The following TSPAN19 variants were observed in gnomAD, a reference collection of about 807,000 sequenced individuals.
TSPAN19 encodes tetraspanin 19, also known as tetraspanin-19.
Under a neutral mutation model 35.1 loss-of-function variants are expected in TSPAN19, and 44 were observed. That is an observed-to-expected ratio of 1.25 (90% CI 0.98 to 1.61). The LOEUF is 1.61. Among genes scored for constraint, TSPAN19 ranks in the 40% most tolerant of loss-of-function variants. TSPAN19 has a pLI of 0.00. For missense variants in TSPAN19, 290 were observed against 280.0 expected (o/e 1.04, Z -0.26); for synonymous variants, 79 against 92.0 (o/e 0.86, Z 0.81).
At chr12:85,024,733 T>C in intron 4 of TSPAN19, 1 of 148,094 alleles carries the variant, frequency 6.8e-6, no homozygotes. Flanking sequence ...GCCGAGATCG[T>C]GCCACTGCAC....
At chr12:85,033,724 G>A (rs1877787944) in intron 1 of TSPAN19, among the ~76,000 whole-genome samples, 1 of 152,070 alleles carries the variant, frequency 6.6e-6, no homozygotes, top group Non-Finnish European at 1.5e-5. Flanking sequence ...GTTAATAAAT[G>A]GCAGAGATGA....
In TSPAN19 at chr12:85,014,439, T is replaced by C; in HGVS notation, c.*48A>G. On this transcript the variant is annotated 3_prime_UTR_variant, in exon 9 of 9. Coordinates refer to ENST00000532498, the MANE Select transcript of TSPAN19 (RefSeq NM_001100917.2). The stretch of plus-strand genomic sequence containing the variant: ...TTTGGAATAAAATAATATAATGTGA[T>C]TTTTTAAGAATTAACTGGTTTCTTC... 2.2e-6 allele frequency: 3 copies of C among 1,366,510 alleles called. No homozygotes were observed. Among genetic ancestry groups the C allele is most frequent in the Non-Finnish European group, 3.1e-6 (3 of 979,098 alleles). 84.6% of individuals were successfully genotyped at this position (1,366,510 alleles called of 1,614,324 possible).
At chr12:85,021,924 A>T (rs1334192332) in intron 5 of TSPAN19, among the ~76,000 whole-genome samples, 1 of 152,138 alleles carries the variant, frequency 6.6e-6, no homozygotes, top group Non-Finnish European at 1.5e-5. Flanking sequence ...TATGAGGATT[A>T]ATAATACAAT....
Position 85,016,114 on chromosome 12 carries a change from T to C in TSPAN19, c.595-143A>G, listed in dbSNP as rs181082116. ...TCAATATCTAATTGGCGAACTGGACTTTTAGTCCAGAAAGCTTTCTACGGC... is the reference window on the plus strand; with the variant it reads ...TCAATATCTAATTGGCGAACTGGACCTTTAGTCCAGAAAGCTTTCTACGGC... On this transcript the variant is annotated intron_variant, in intron 7 of 8. Transcript: ENST00000532498. The C allele has an allele frequency of 8.4e-5, 43 of 511,064 alleles. 1 individual carries two copies. Among genetic ancestry groups the C allele is most frequent in the African/African-American group, 6.8e-4 (34 of 49,846 alleles). The allele number at this position is 511,064 out of a possible 1,614,324, so 31.7% of individuals were successfully genotyped here.
intron 1 of TSPAN19, 60 bp downstream of exon 1, chr12:85,036,143 AT>A (rs1878016983): frequency 6.6e-6 from 1 of 152,216 alleles, no homozygotes; most frequent in Non-Finnish European, 1.5e-5. Flanking sequence ...TACTTGGGTA[AT>A]TATAACAAAA....
In TSPAN19 at chr12:85,014,336, T is replaced by G; in HGVS notation, c.*151A>C. 1.6e-4 allele frequency: 85 copies of G among 523,244 alleles called. No individual in the cohort carries two copies. The allele number at this position is 523,244 out of a possible 1,614,324, so 32.4% of individuals were successfully genotyped here. A position where few individuals can be genotyped will look rare whatever the true frequency, so the allele number is the denominator to read the frequency against. ...TTAATATAATTTCATGAATGTTTTA[T>G]TATAGTATTCAGTAATTCAATATTA... On this transcript the variant is annotated 3_prime_UTR_variant, in exon 9 of 9. Transcript: ENST00000532498.
chr12:85,018,485 C>G (rs1344577837), intron 6 of TSPAN19, among the ~76,000 whole-genome samples: 4 of 150,620 alleles, frequency 2.7e-5, no homozygotes, highest in African/African-American at 7.5e-5. Flanking sequence ...ATATGATAGA[C>G]AGAATTGTTT....
At chr12:85,014,587 A>G (rs1258924187) in intron 8 of TSPAN19, 32 bp from the exon 9 acceptor site, 3 of 1,488,430 alleles carry the variant, frequency 2.0e-6, no homozygotes, top group Non-Finnish European at 2.8e-6. Context: ...AGAGATTAAA[A>G]TTTAATCAAT....
intron 5 of TSPAN19, among the ~76,000 whole-genome samples, chr12:85,021,678 TGAGTTA>T (rs1877135443): frequency 6.6e-6 from 1 of 152,136 alleles, no homozygotes; most frequent in Non-Finnish European, 1.5e-5. Context: ...TCTTCCACAC[TGAGTTA>T]GGTACTGTAA....
rs1876671966 is a variant in TSPAN19, at chr12:85,014,405, C to T, written c.*82G>A. 1.0e-6 allele frequency: 1 copy of T among 986,940 alleles called. No individual in the cohort carries two copies. The highest frequency in any genetic ancestry group is 2.7e-5 in the Admixed American group (1 of 37,426). The allele number at this position is 986,940 out of a possible 1,614,324, so 61.1% of individuals were successfully genotyped here. On this transcript the variant is annotated 3_prime_UTR_variant, in exon 9 of 9. Coordinates refer to ENST00000532498, the MANE Select transcript of TSPAN19 (RefSeq NM_001100917.2). ...AATACATCTGTTATTTAATACAATTCAAAACGTTTTTGGAATAAAATAATA... is the reference window on the plus strand; with the variant it reads ...AATACATCTGTTATTTAATACAATTTAAAACGTTTTTGGAATAAAATAATA...
intron 6 of TSPAN19, 72 bp downstream of exon 6, chr12:85,019,554 C>A: frequency 1.0e-6 from 1 of 955,120 alleles, no homozygotes; most frequent in South Asian, 1.4e-5. Context: ...CATCCCCTGC[C>A]CTGACCTATT....
At chr12:85,024,272 T>C (rs1877277992) in intron 4 of TSPAN19, among the ~76,000 whole-genome samples, 1 of 152,170 alleles carries the variant, frequency 6.6e-6, no homozygotes, top group South Asian at 2.1e-4. Flanking sequence ...CTAAGGAATA[T>C]CTAGCCATAA....
chr12:85,034,059 C>CAGT (rs1234592410), intron 1 of TSPAN19, among the ~76,000 whole-genome samples: 3 of 151,974 alleles, frequency 2.0e-5, no homozygotes, highest in Non-Finnish European at 2.9e-5. Context: ...TTGGTCATGA[C>CAGT]AGCAGCTGGG....
chr12:85,031,604 T>C (rs548738533), intron 1 of TSPAN19, among the ~76,000 whole-genome samples: 1 of 152,306 alleles, frequency 6.6e-6, no homozygotes, highest in South Asian at 2.1e-4. Context: ...AACTTTTATT[T>C]ATCTCAGTTC....
chr12:85,025,832 G>A (rs1877384461), intron 4 of TSPAN19, among the ~76,000 whole-genome samples: 1 of 152,108 alleles, frequency 6.6e-6, no homozygotes, highest in Middle Eastern at 3.2e-3. Context: ...CCCAAGACAT[G>A]GAATAGCTTT....
intron 5 of TSPAN19, among the ~76,000 whole-genome samples, chr12:85,022,877 A>G (rs993819065): frequency 1.3e-5 from 2 of 152,090 alleles, no homozygotes; most frequent in African/African-American, 4.8e-5. Flanking sequence ...TCATCACTCT[A>G]CCTGTGGAAA....
At chr12:85,027,856 A>G in intron 4 of TSPAN19, 43 bp downstream of exon 4, 1 of 1,524,328 alleles carries the variant, frequency 6.6e-7, no homozygotes. Flanking sequence ...AGATACTTAA[A>G]AATCTAAGAC....
At chr12:85,029,456 C>G (rs1877579158) in intron 3 of TSPAN19, among the ~76,000 whole-genome samples, 1 of 152,002 alleles carries the variant, frequency 6.6e-6, no homozygotes, top group African/African-American at 2.4e-5. Flanking sequence ...CAATATTCTT[C>G]TAGCTATTTG....
At chr12:85,030,091 T>C (rs1365740200) in intron 1 of TSPAN19, 118 bp from the exon 2 acceptor site, 2 of 784,344 alleles carry the variant, frequency 2.5e-6, no homozygotes, top group African/African-American at 1.8e-5. Flanking sequence ...TATAACATAC[T>C]TCCATCTCTA....
Sources: allele counts gnomAD v4.1 joint callset (sites outside exome capture counted in the v4.1 genomes callset), GRCh38; gene constraint gnomAD v4.1.1; transcripts MANE v1.5; gene names NCBI Gene and HGNC (gene_info 2026-07-23, HGNC 2026-07-21).